Variants in RFX4 observed in about 807,000 individuals in gnomAD.
RFX4 encodes the protein transcription factor RFX4.
RFX4 carries 10 observed loss-of-function variants against 95.0 expected under a neutral mutation model. The observed-to-expected ratio is 0.11, with a 90% CI of 0.06 to 0.18. The LOEUF (loss-of-function observed/expected upper bound fraction) is 0.18. RFX4 is among the 10% of genes least tolerant of loss of function. The probability of loss-of-function intolerance (pLI) is 1.00; values close to 1 mark genes in which losing one functional copy is unlikely to be tolerated. For missense variants in RFX4, 640 were observed against 922.0 expected (o/e 0.69, Z 3.96); for synonymous variants, 321 against 340.7 (o/e 0.94, Z 0.64).
At chr12:106,660,937 A>G (rs1364458804) in intron 4 of RFX4, among the ~76,000 whole-genome samples, 1 of 152,166 alleles carries the variant, frequency 6.6e-6, no homozygotes, top group Non-Finnish European at 1.5e-5. Context: ...AACCTGTCCA[A>G]GGGAAAATTG....
At chr12:106,615,289 A>T (rs186779908) in intron 2 of RFX4, among the ~76,000 whole-genome samples, 1 of 152,144 alleles carries the variant, frequency 6.6e-6, no homozygotes, top group Non-Finnish European at 1.5e-5. Flanking sequence ...GGCAGATTAT[A>T]TATATTTGGA....
rs777345305 is a variant in RFX4 at position 106,750,804 on chromosome 12, G to A, written c.1935+11G>A. 1.3e-6 allele frequency: 2 copies of A among 1,537,638 alleles called. No individual in the cohort carries two copies. The highest frequency in any genetic ancestry group is 1.7e-6 in the Non-Finnish European group (2 of 1,146,186). On this transcript the variant is annotated intron_variant, in intron 17 of 17. Transcript: ENST00000392842. ...AGGAGCTCTGCACAGGTGAGTCAGTGGTCCTGGTTTCTTGGCCAGGCCTTG... is the reference window on the plus strand; with the variant it reads ...AGGAGCTCTGCACAGGTGAGTCAGTAGTCCTGGTTTCTTGGCCAGGCCTTG...
intron 15 of RFX4, among the ~76,000 whole-genome samples, chr12:106,744,561 C>T (rs1327253520): frequency 6.6e-6 from 1 of 152,196 alleles, no homozygotes; most frequent in African/African-American, 2.4e-5. Context: ...ACGTGCCAAA[C>T]TCTCTGACAT....
rs58283896 is a variant in RFX4, at chr12:106,714,068, C to CAAAAA, written c.994-1313_994-1309dup. On this transcript the variant is annotated intron_variant, in intron 10 of 17. Transcript: ENST00000392842. ...GGGCAACAAGAGTGAAACTCCATCTCAAAAAAAAAAAAAAAAAAAAAAAGC... is the reference window on the plus strand; with the variant it reads ...GGGCAACAAGAGTGAAACTCCATCTCAAAAAAAAAAAAAAAAAAAAAAAAAAAAGC... Among the ~76,000 whole-genome samples, 37 of 30,466 alleles carry CAAAAA rather than the reference C, an allele frequency of 1.2e-3. 6 individuals are homozygous for CAAAAA. The highest frequency in any genetic ancestry group is 2.8e-3 in the African/African-American group (18 of 6,480). The allele number at this position is 30,466 out of a possible 152,430, so 20.0% of individuals were successfully genotyped here. A position where few individuals can be genotyped will look rare whatever the true frequency, so the allele number is the denominator to read the frequency against.
Position 106,603,295 on chromosome 12 carries a change from G to A in RFX4, c.44-5502G>A, listed in dbSNP as rs553208901. Among the ~76,000 whole-genome samples, 42 of 152,304 alleles carry A rather than the reference G, an allele frequency of 2.8e-4. No homozygotes were observed. The South Asian group carries it at 8.3e-3, about 30-fold the overall frequency. On this transcript the variant is annotated intron_variant, in intron 1 of 17. Coordinates refer to ENST00000392842, the MANE Select transcript of RFX4 (RefSeq NM_213594.3). ...TGCGGCTACTTCTGGGTTATTCTTT[G>A]CTGCTGTAAAGAGAATGAAGCCTTG...
intron 4 of RFX4, among the ~76,000 whole-genome samples, chr12:106,655,257 A>G (rs2040934154): frequency 6.6e-6 from 1 of 152,380 alleles, no homozygotes; most frequent in South Asian, 2.1e-4. Flanking sequence ...AAATGGCTCC[A>G]TTCAATAAAT....
intron 4 of RFX4, among the ~76,000 whole-genome samples, chr12:106,658,586 T>A (rs2041007632): frequency 6.6e-6 from 1 of 152,178 alleles, no homozygotes; most frequent in South Asian, 2.1e-4. Flanking sequence ...TCCTTCCTTT[T>A]CTGGCTCCTC....
At chr12:106,646,909 G>A (rs1364037391) in intron 3 of RFX4, among the ~76,000 whole-genome samples, 1 of 152,206 alleles carries the variant, frequency 6.6e-6, no homozygotes, top group East Asian at 1.9e-4. Flanking sequence ...ACAAATGCAT[G>A]TTTCTGATTG....
At chr12:106,751,400 T>C (rs988290456) in intron 17 of RFX4, among the ~76,000 whole-genome samples, 15 of 150,096 alleles carry the variant, frequency 1.0e-4, no homozygotes, top group African/African-American at 3.2e-4. Flanking sequence ...TAAACATACG[T>C]GTGCATGTGT....
In RFX4 at chr12:106,687,182, T is replaced by TCTCTCACA. The variant is rs1443795120; in HGVS notation, c.591+86_591+87insTCTCACAC. On this transcript the variant is annotated intron_variant, in intron 6 of 17. Coordinates refer to ENST00000392842, the MANE Select transcript of RFX4 (RefSeq NM_213594.3). ...CTCTGTCTCTATCTCTCTCTCTCTCTCACACACACACACACACACACACAC... is the reference window on the plus strand; with the variant it reads ...CTCTGTCTCTATCTCTCTCTCTCTCTCTCTCACACACACACACACACACACACACACAC... 6.2e-3 allele frequency: 3,404 copies of TCTCTCACA among 546,500 alleles called. 6 individuals carry two copies. Among genetic ancestry groups the TCTCTCACA allele is most frequent in the Non-Finnish European group, 8.1e-3 (2,486 of 307,098 alleles). The allele number at this position is 546,500 out of a possible 1,614,324, so 33.9% of individuals were successfully genotyped here.
intron 14 of RFX4, among the ~76,000 whole-genome samples, chr12:106,732,589 G>T (rs925959437): frequency 1.3e-5 from 2 of 152,040 alleles, no homozygotes; most frequent in African/African-American, 4.8e-5. Context: ...AGTCCCAGCT[G>T]CTCAGGAGGC....
At chr12:106,697,299 T>C (rs184172429) in intron 8 of RFX4, among the ~76,000 whole-genome samples, 19 of 152,268 alleles carry the variant, frequency 1.2e-4, no homozygotes, top group African/African-American at 4.6e-4. Context: ...ACAAAGCACA[T>C]TGCACATCCA....
chr12:106,669,449 C>T (rs2041239134), intron 4 of RFX4, among the ~76,000 whole-genome samples: 1 of 152,156 alleles, frequency 6.6e-6, no homozygotes, highest in Non-Finnish European at 1.5e-5. Flanking sequence ...CGCTGACCAT[C>T]CTTGGGCAAT....
At chr12:106,611,876 A>G (rs1204511734) in intron 2 of RFX4, among the ~76,000 whole-genome samples, 3 of 152,170 alleles carry the variant, frequency 2.0e-5, no homozygotes, top group Non-Finnish European at 4.4e-5. Flanking sequence ...TGAAAAGACT[A>G]TTCTTTCCCC....
At chr12:106,632,957 G>A (rs1421899299) in intron 2 of RFX4, among the ~76,000 whole-genome samples, 2 of 152,214 alleles carry the variant, frequency 1.3e-5, no homozygotes, top group Non-Finnish European at 2.9e-5. Flanking sequence ...CAGTGACTAC[G>A]TCTGTTTTTT....
At chr12:106,735,705 T>C (rs76904502) in intron 15 of RFX4, among the ~76,000 whole-genome samples, 9 of 144,732 alleles carry the variant, frequency 6.2e-5, no homozygotes, top group African/African-American at 7.8e-5. Flanking sequence ...TATTTTTTTT[T>C]CCCCCGTGAG....
intron 10 of RFX4, among the ~76,000 whole-genome samples, chr12:106,714,006 G>A (rs1241413562): frequency 2.2e-5 from 3 of 134,892 alleles, no homozygotes; most frequent in Non-Finnish European, 4.6e-5. Context: ...GGAGGCAGAG[G>A]TTACAGTGAG....
At chr12:106,618,850 A>G (rs921338698) in intron 2 of RFX4, among the ~76,000 whole-genome samples, 3 of 152,122 alleles carry the variant, frequency 2.0e-5, no homozygotes, top group Non-Finnish European at 4.4e-5. Context: ...AGGGATTAAT[A>G]GAGTTTTTAA....
At chr12:106,627,942 G>C (rs1304198426) in intron 2 of RFX4, among the ~76,000 whole-genome samples, 1 of 152,218 alleles carries the variant, frequency 6.6e-6, no homozygotes, top group Non-Finnish European at 1.5e-5. Flanking sequence ...TCCAGGACAG[G>C]ATTCAACAGG....
Sources: allele counts gnomAD v4.1 joint callset (sites outside exome capture counted in the v4.1 genomes callset), GRCh38; gene constraint gnomAD v4.1.1; transcripts MANE v1.5; gene names NCBI Gene and HGNC (gene_info 2026-07-23, HGNC 2026-07-21).